The following CDH13 variants were observed in gnomAD, a reference collection of about 807,000 sequenced individuals.
The protein encoded by CDH13 is cadherin-13.
In CDH13, 24 loss-of-function variants were observed where a neutral mutation model predicts 63.8. That is an observed-to-expected ratio of 0.38 (90% CI 0.27 to 0.53). The LOEUF (loss-of-function observed/expected upper bound fraction) is 0.53, where lower values mean the gene tolerates loss of function less well. Among genes scored for constraint, CDH13 ranks in the 20% least tolerant of loss-of-function variants. The pLI, the probability that CDH13 is intolerant of heterozygous loss-of-function variation, is 0.85. For synonymous variants in CDH13, 503 were observed against 355.3 expected, an observed-to-expected ratio of 1.42 and a Z score of -4.67; for missense variants, 1,049 against 903.1, an observed-to-expected ratio of 1.16 and a Z score of -2.07.
chr16:82,801,515 C>T (rs564059124), intron 1 of CDH13, among the ~76,000 whole-genome samples: 1 of 152,332 alleles, frequency 6.6e-6, no homozygotes, highest in African/African-American at 2.4e-5. Flanking sequence ...AGATTCAGCC[C>T]TTGCTCACAG....
chr16:83,325,120 C>T (rs1158244204), intron 5 of CDH13, among the ~76,000 whole-genome samples: 2 of 152,212 alleles, frequency 1.3e-5, no homozygotes, highest in Admixed American at 1.3e-4. Context: ...TTATTATATT[C>T]TTCCATGTTT....
At chr16:83,789,066 T>C (rs6563980) in intron 13 of CDH13, among the ~76,000 whole-genome samples, 4,121 of 152,332 alleles carry the variant, frequency 0.027, 95 homozygotes, top group Non-Finnish European at 0.038. Flanking sequence ...ATTTACGTTT[T>C]ATTATATACC....
chr16:83,149,503 C>T (rs1158730897), intron 4 of CDH13, among the ~76,000 whole-genome samples: 1 of 152,116 alleles, frequency 6.6e-6, no homozygotes, highest in East Asian at 1.9e-4. Context: ...GAATTCAATT[C>T]CACAAGTAAT....
chr16:83,353,762 C>G (rs138447721), intron 6 of CDH13, among the ~76,000 whole-genome samples: 1 of 152,196 alleles, frequency 6.6e-6, no homozygotes, highest in Non-Finnish European at 1.5e-5. Context: ...ATCACCCATG[C>G]TCATATCATT....
chr16:82,652,145 T>G (rs1438614668), intron 1 of CDH13, among the ~76,000 whole-genome samples: 1 of 152,234 alleles, frequency 6.6e-6, no homozygotes, highest in African/African-American at 2.4e-5. Flanking sequence ...AAGATTTAGG[T>G]TCTGAAAAGA....
chr16:82,858,534 T>C, intron 2 of CDH13, 61 bp downstream of exon 2: 1 of 1,014,872 alleles, frequency 9.9e-7, no homozygotes, highest in South Asian at 1.3e-5. Context: ...TACTAATGTT[T>C]ATGACTGTGT....
At chr16:83,351,273 G>A (rs2090946066) in intron 6 of CDH13, among the ~76,000 whole-genome samples, 1 of 127,596 alleles carries the variant, frequency 7.8e-6, no homozygotes, top group African/African-American at 2.8e-5. Context: ...CAGGCATGTG[G>A]CTATTTCTTT....
rs1189843318 is a variant in CDH13, at chr16:83,602,094, AAAAGAACAAC to A, written c.961-357_961-348del. Among the ~76,000 whole-genome samples, 216 of 80,106 alleles carry A rather than the reference AAAAGAACAAC, an allele frequency of 2.7e-3. 24 individuals carry two copies. The highest frequency in any genetic ancestry group is 0.011 in the African/African-American group (199 of 18,240). 52.6% of individuals were successfully genotyped at this position (80,106 alleles called of 152,430 possible). On this transcript the variant is annotated intron_variant, in intron 7 of 13. Transcript: ENST00000567109. ...TGAGACTCTGTCTCAAAAAAAAAAA[AAAAGAACAAC>A]AACAAAAAAAAAAAAAAAAAAAAAA... is the stretch of plus-strand genomic sequence containing the variant.
chr16:82,855,691 A>G (rs1029172322), intron 1 of CDH13, among the ~76,000 whole-genome samples: 10 of 152,188 alleles, frequency 6.6e-5, no homozygotes, highest in East Asian at 1.9e-4. Context: ...CACAAGCGGA[A>G]CCGTACAGAT....
chr16:83,015,677 GTATA>G (rs71148803), intron 2 of CDH13, among the ~76,000 whole-genome samples: 831 of 37,478 alleles, frequency 0.022, 16 homozygotes, highest in African/African-American at 0.041. Flanking sequence ...GTGTGTGTAT[GTATA>G]TATATATATA....
chr16:83,052,246 C>T (rs1240787602), intron 3 of CDH13, among the ~76,000 whole-genome samples: 1 of 152,160 alleles, frequency 6.6e-6, no homozygotes, highest in Admixed American at 6.5e-5. Flanking sequence ...TGTTATAAAA[C>T]TTCAAGGTTT....
At chr16:82,860,392 G>GA (rs1411310758) in intron 2 of CDH13, among the ~76,000 whole-genome samples, 2 of 132,222 alleles carry the variant, frequency 1.5e-5, no homozygotes, top group East Asian at 2.6e-4. Context: ...TGTGTGTGGG[G>GA]GGGGGGGCGG....
chr16:82,949,348 G>A (rs957703859), intron 2 of CDH13, among the ~76,000 whole-genome samples: 13 of 152,084 alleles, frequency 8.5e-5, no homozygotes, highest in Admixed American at 2.0e-4. Flanking sequence ...TCTTCACATG[G>A]CATTTTCTTA....
chr16:82,741,311 A>G (rs1315385775), intron 1 of CDH13, among the ~76,000 whole-genome samples: 3 of 151,954 alleles, frequency 2.0e-5, no homozygotes, highest in Non-Finnish European at 4.4e-5. Flanking sequence ...TTGCTGGGAC[A>G]CTCTCTTTTC....
At chr16:83,615,433 C>T (rs369510505) in intron 8 of CDH13, among the ~76,000 whole-genome samples, 33 of 151,972 alleles carry the variant, frequency 2.2e-4, no homozygotes, top group African/African-American at 7.5e-4. Flanking sequence ...TCTTTGAAGC[C>T]GATTAAATGT....
chr16:82,839,532 C>G (rs2038918316), intron 1 of CDH13, among the ~76,000 whole-genome samples: 1 of 152,204 alleles, frequency 6.6e-6, no homozygotes, highest in Non-Finnish European at 1.5e-5. Context: ...ATCTCCCTAA[C>G]TGGAACCCAG....
rs1306475831 is a variant in CDH13 at position 82,653,624 on chromosome 16, C to T, written c.45+26487C>T. Among the ~76,000 whole-genome samples the T allele has an allele frequency of 2.6e-5, 4 of 152,152 alleles. 1 individual carries two copies. The Middle Eastern group carries it at 0.01, about 391-fold the overall frequency. On this transcript the variant is annotated intron_variant, in intron 1 of 13. Coordinates refer to ENST00000567109, the MANE Select transcript of CDH13 (RefSeq NM_001257.5). ...TGGGGCTGGAGGCCAAGGTGCAGGGCTGCAGGGGTAGGAGGGAGCAGCCAG... is the reference window on the plus strand; with the variant it reads ...TGGGGCTGGAGGCCAAGGTGCAGGGTTGCAGGGGTAGGAGGGAGCAGCCAG...
At chr16:83,550,876 A>C (rs916597026) in intron 7 of CDH13, among the ~76,000 whole-genome samples, 1 of 152,042 alleles carries the variant, frequency 6.6e-6, no homozygotes, top group Non-Finnish European at 1.5e-5. Flanking sequence ...TTAGAAATCT[A>C]AGTTGCCTTG....
chr16:82,642,983 G>A (rs1909605344), intron 1 of CDH13, among the ~76,000 whole-genome samples: 1 of 152,142 alleles, frequency 6.6e-6, no homozygotes, highest in African/African-American at 2.4e-5. Flanking sequence ...CTATGAAATG[G>A]AACAAACTGT....
Sources: gnomAD v4.1 joint callset for allele counts (sites outside exome capture counted in the v4.1 genomes callset) on GRCh38, gnomAD v4.1.1 for gene constraint, MANE v1.5 for transcripts, NCBI Gene and HGNC (gene_info 2026-07-23, HGNC 2026-07-21) for gene names.